The following KDM2B variants were observed in gnomAD, a reference collection of about 807,000 sequenced individuals.
The protein encoded by KDM2B is lysine demethylase 2B.
In KDM2B, 26 loss-of-function variants were observed where a neutral mutation model predicts 150.0. The ratio of observed to expected loss-of-function variants is 0.17; its 90% confidence interval spans 0.13 to 0.24. KDM2B has a LOEUF of 0.24. Ranked by LOEUF, KDM2B falls within the 10% of genes least tolerant of loss-of-function variation. The pLI is 1.00. For missense variants in KDM2B, 1,265 were observed against 1,816.9 expected (o/e 0.70, Z 5.52); for synonymous variants, 734 against 729.5 (o/e 1.01, Z -0.10).
At chr12:121,485,224 G>C (rs968627055) in intron 12 of KDM2B, among the ~76,000 whole-genome samples, 1 of 152,152 alleles carries the variant, frequency 6.6e-6, no homozygotes, top group African/African-American at 2.4e-5. Context: ...CTGTGATGGG[G>C]TCTAAACTTC....
intron 12 of KDM2B, among the ~76,000 whole-genome samples, chr12:121,477,209 A>C (rs1041261760): frequency 4.6e-5 from 7 of 152,108 alleles, no homozygotes; most frequent in African/African-American, 1.7e-4. Flanking sequence ...AGCTGGGACT[A>C]CAGGCACAAA....
At chr12:121,444,971 G>A (rs80124883) in intron 14 of KDM2B, 7 of 421,940 alleles carry the variant, frequency 1.7e-5, no homozygotes, top group African/African-American at 8.0e-5. Context: ...ACCTGGAGGC[G>A]CTTCCTCTGG....
intron 12 of KDM2B, among the ~76,000 whole-genome samples, chr12:121,487,415 T>G (rs542610589): frequency 7.9e-4 from 120 of 152,264 alleles, no homozygotes; most frequent in African/African-American, 2.8e-3. Context: ...AGGCCCAGGT[T>G]TCTCTTCGCG....
At chr12:121,489,750 T>G (rs1430244940) in intron 12 of KDM2B, among the ~76,000 whole-genome samples, 1 of 152,046 alleles carries the variant, frequency 6.6e-6, no homozygotes, top group Admixed American at 6.6e-5. Flanking sequence ...CTGAGCAGCT[T>G]TCAGAAAGTG....
chr12:121,421,851 CATT>C, the KDM2B span, among the ~76,000 whole-genome samples: 3 of 152,172 alleles, frequency 2.0e-5, no homozygotes, highest in African/African-American at 2.4e-5. Context: ...GCCCTCCCAT[CATT>C]AACTTTTATC....
chr12:121,566,173 G>A (rs1890692206), intron 4 of KDM2B, among the ~76,000 whole-genome samples: 1 of 152,098 alleles, frequency 6.6e-6, no homozygotes, highest in Non-Finnish European at 1.5e-5. Flanking sequence ...GCAACAAGCA[G>A]AGCTAAATAG....
rs28538950 is a variant in KDM2B at position 121,526,225 on chromosome 12, C to T, written c.932-5125G>A. Among the ~76,000 whole-genome samples, 1,694 of 152,154 alleles carry T rather than the reference C, an allele frequency of 0.011. 47 individuals are homozygous for T. In the East Asian group the frequency reaches 0.12, roughly 11 times the overall value. ...AAAATTAGCTGGGTGTGGTGGCACACGCCTGTAATCCCAGCTACTCAGGAG... is the reference window on the plus strand; with the variant it reads ...AAAATTAGCTGGGTGTGGTGGCACATGCCTGTAATCCCAGCTACTCAGGAG... On this transcript the variant is annotated intron_variant, in intron 8 of 22. Coordinates refer to ENST00000377071, the MANE Select transcript of KDM2B (RefSeq NM_032590.5).
intron 4 of KDM2B, among the ~76,000 whole-genome samples, chr12:121,568,351 T>G (rs1797380025): frequency 6.6e-6 from 1 of 151,768 alleles, no homozygotes; most frequent in Non-Finnish European, 1.5e-5. Context: ...TCCCAGCTAC[T>G]CAGGAGGCTG....
chr12:121,566,882 T>G (rs185448712), intron 4 of KDM2B, among the ~76,000 whole-genome samples: 11 of 150,652 alleles, frequency 7.3e-5, no homozygotes, highest in Admixed American at 1.3e-4. Context: ...AAAGTGGGAG[T>G]TTTTTTTTCT....
intron 12 of KDM2B, among the ~76,000 whole-genome samples, chr12:121,454,359 T>C (rs1395154941): frequency 6.6e-6 from 1 of 152,140 alleles, no homozygotes; most frequent in East Asian, 1.9e-4. Flanking sequence ...GGGCTCCAAA[T>C]GCTCCCTTCC....
chr12:121,573,587 CTTT>C (rs35286174), intron 4 of KDM2B, among the ~76,000 whole-genome samples: 9 of 139,962 alleles, frequency 6.4e-5, no homozygotes, highest in South Asian at 2.3e-4. Context: ...CTGTTTACTT[CTTT>C]TTTTTTTTTT....
At chr12:121,517,287 CCCAAA>C (rs1222019252) in intron 9 of KDM2B, among the ~76,000 whole-genome samples, 2 of 151,936 alleles carry the variant, frequency 1.3e-5, no homozygotes, top group Non-Finnish European at 2.9e-5. Context: ...TCCACCATTC[CCCAAA>C]CACCTGTATA....
At position 121,476,168 on chromosome 12, in the gene KDM2B, A is replaced by G. The variant is rs570337402; in HGVS notation, c.1734+18411T>C. ...AAATTAGCTGGGTATGGTGGCAGGCACCTGTAATCCCAGCTACTCGGGAGG... is the reference window on the plus strand; with the variant it reads ...AAATTAGCTGGGTATGGTGGCAGGCGCCTGTAATCCCAGCTACTCGGGAGG... On this transcript the variant is annotated intron_variant, in intron 12 of 22. Transcript: ENST00000377071. 2.6e-5 allele frequency among the ~76,000 whole-genome samples: 4 copies of G among 151,966 alleles called. No homozygotes were observed. The South Asian group carries it at 8.3e-4, about 32-fold the overall frequency.
chr12:121,471,167 A>G (rs190179879), intron 12 of KDM2B, among the ~76,000 whole-genome samples: 63 of 152,208 alleles, frequency 4.1e-4, no homozygotes, highest in Non-Finnish European at 8.4e-4. Flanking sequence ...TAGCATGTAC[A>G]CTGTGCTTTT....
intron 4 of KDM2B, among the ~76,000 whole-genome samples, chr12:121,562,153 T>G (rs1237681055): frequency 2.0e-5 from 3 of 149,392 alleles, no homozygotes; most frequent in Non-Finnish European, 4.4e-5. Context: ...ATGGGTGACT[T>G]TTTTTCCATG....
chr12:121,464,152 G>A (rs544415439), intron 12 of KDM2B, among the ~76,000 whole-genome samples: 3 of 152,332 alleles, frequency 2.0e-5, no homozygotes, highest in African/African-American at 7.2e-5. Flanking sequence ...AGGATCGCTT[G>A]AGCCCAGGAG....
rs1397681792 is a variant in KDM2B at position 121,537,811 on chromosome 12, C to T, written c.684-3221G>A. On this transcript the variant is annotated intron_variant, in intron 6 of 22. Transcript: ENST00000377071. This position sits in a 1 kb window ranked among gnomAD's most constrained non-coding sequence, Gnocchi z 8.7. Reference sequence around the variant, plus strand: ...CCCCGGGAGACACAAAGAGCGGCTCCGCGACGCCGGCCCTGTAGCCCGCGG... The same window carrying T: ...CCCCGGGAGACACAAAGAGCGGCTCTGCGACGCCGGCCCTGTAGCCCGCGG... Among the ~76,000 whole-genome samples the T allele has an allele frequency of 1.3e-5, 2 of 151,806 alleles. No homozygotes were observed. Among genetic ancestry groups the T allele is most frequent in the Non-Finnish European group, 2.9e-5 (2 of 67,892 alleles).
At chr12:121,438,253 CAAAAAAA>C (rs35874014) in intron 22 of KDM2B, among the ~76,000 whole-genome samples, 1 of 97,158 alleles carries the variant, frequency 1.0e-5, no homozygotes, top group Admixed American at 1.1e-4. Context: ...GGCTCCATCT[CAAAAAAA>C]AAAAAAAAAG....
intron 4 of KDM2B, among the ~76,000 whole-genome samples, chr12:121,550,648 C>A (rs1889415442): frequency 6.6e-6 from 1 of 152,128 alleles, no homozygotes; most frequent in African/African-American, 2.4e-5. Flanking sequence ...CATGTGCTAC[C>A]ACACCTTGCT....
Sources: gnomAD v4.1 joint callset for allele counts (sites outside exome capture counted in the v4.1 genomes callset) on GRCh38, gnomAD v4.1.1 for gene constraint, Gnocchi (gnomAD v3.1) non-coding constraint, MANE v1.5 for transcripts, NCBI Gene and HGNC (gene_info 2026-07-23, HGNC 2026-07-21) for gene names.